MAP2: variants seen among roughly 807,000 people sequenced by gnomAD.
MAP2 encodes microtubule associated protein 2.
MAP2 carries 14 observed loss-of-function variants against 137.6 expected under a neutral mutation model. The ratio of observed to expected loss-of-function variants is 0.10; its 90% CI spans 0.07 to 0.16. The LOEUF is 0.16. MAP2 is among the 10% of genes least tolerant of loss of function. MAP2 has a pLI of 1.00. For missense variants in MAP2, 2,088 were observed against 2,191.5 expected, an observed-to-expected ratio of 0.95 and a Z score of 0.94; for synonymous variants, 786 against 782.3, an observed-to-expected ratio of 1.00 and a Z score of -0.08.
intron 4 of MAP2, among the ~76,000 whole-genome samples, chr2:209,628,466 G>A (rs185539788): frequency 6.6e-6 from 1 of 152,246 alleles, no homozygotes; most frequent in Non-Finnish European, 1.5e-5. Context: ...GCTCATGCCT[G>A]TCCAGGATCT....
chr2:209,457,752 G>A (rs1166028616), intron 1 of MAP2, among the ~76,000 whole-genome samples: 1 of 152,214 alleles, frequency 6.6e-6, no homozygotes, highest in Non-Finnish European at 1.5e-5. Flanking sequence ...GCGTTCTAGA[G>A]ATAGGGACAT....
intron 1 of MAP2, among the ~76,000 whole-genome samples, chr2:209,502,999 CTTT>C (rs71043931): frequency 7.6e-6 from 1 of 131,344 alleles, no homozygotes; most frequent in African/African-American, 2.9e-5. Context: ...GATTTTTTTT[CTTT>C]TTTTTTTTTT....
chr2:209,494,871 A>G (rs1246996814), intron 1 of MAP2, among the ~76,000 whole-genome samples: 1 of 152,184 alleles, frequency 6.6e-6, no homozygotes, highest in African/African-American at 2.4e-5. Flanking sequence ...GTTTTCCCCT[A>G]TTGTTTCTGC....
At position 209,477,437 on chromosome 2, in the gene MAP2, AT is replaced by A. The variant is rs890847580; in HGVS notation, c.-221-30146del. Among the ~76,000 whole-genome samples the A allele has an allele frequency of 3.8e-4, 57 of 151,648 alleles. No homozygotes were observed. The South Asian group carries it at 0.011, about 28-fold the overall frequency. ...TAATGACAATAAAGAATACATCATG[AT>A]TTTTTTTTCTTTCCATTGCTTTAGC... On this transcript the variant is annotated intron_variant, in intron 1 of 15. Transcript: ENST00000682079.
chr2:209,468,373 TG>T (rs1175042032), intron 1 of MAP2, among the ~76,000 whole-genome samples: 1 of 133,178 alleles, frequency 7.5e-6, no homozygotes, highest in Non-Finnish European at 1.5e-5. Flanking sequence ...CAGGCTGGAG[TG>T]CAGTGGTGCG....
At chr2:209,471,674 G>A (rs962707761) in intron 1 of MAP2, among the ~76,000 whole-genome samples, 3 of 144,990 alleles carry the variant, frequency 2.1e-5, no homozygotes, top group Non-Finnish European at 4.5e-5. Flanking sequence ...GAATAAAGAG[G>A]AAGGAACGTG....
chr2:209,575,256 T>A (rs147007805), intron 2 of MAP2, among the ~76,000 whole-genome samples: 8,417 of 152,096 alleles, frequency 0.055, 347 homozygotes, highest in Middle Eastern at 0.15. Flanking sequence ...GTGCGCTGGC[T>A]CATGCATGTA....
intron 4 of MAP2, among the ~76,000 whole-genome samples, chr2:209,646,595 G>A (rs565437752): frequency 6.6e-6 from 1 of 152,136 alleles, no homozygotes. Context: ...ATAAATAACA[G>A]CAGTGATGGC....
intron 1 of MAP2, among the ~76,000 whole-genome samples, chr2:209,451,738 G>C (rs538140499): frequency 4.6e-5 from 7 of 152,286 alleles, no homozygotes; most frequent in African/African-American, 1.4e-4. Context: ...GTGTATGTAG[G>C]CACAGCTGTA....
intron 4 of MAP2, among the ~76,000 whole-genome samples, chr2:209,634,199 A>C (rs1343930215): frequency 6.6e-6 from 1 of 152,170 alleles, no homozygotes; most frequent in South Asian, 2.1e-4. Context: ...CTGTGCAGGC[A>C]ATAAACTGGG....
chr2:209,636,119 G>T (rs538089376), intron 4 of MAP2, among the ~76,000 whole-genome samples: 1 of 152,202 alleles, frequency 6.6e-6, no homozygotes, highest in East Asian at 1.9e-4. Flanking sequence ...GACTCCAGTT[G>T]TACCATGTGC....
At position 209,696,362 on chromosome 2, in the gene MAP2, T is replaced by C; in HGVS notation, c.4180+12T>C. The C allele has an allele frequency of 6.5e-7, 1 of 1,527,498 alleles. No individual in the cohort carries two copies. The highest frequency in any genetic ancestry group is 1.4e-5 in the African/African-American group (1 of 71,922). The allele number at this position is 1,527,498 out of a possible 1,614,324, so 94.6% of individuals were successfully genotyped here. A position where few individuals can be genotyped will look rare whatever the true frequency, so the allele number is the denominator to read the frequency against. On this transcript the variant is annotated intron_variant, in intron 8 of 15. Coordinates refer to ENST00000682079, the MANE Select transcript of MAP2 (RefSeq NM_001375505.1). ...GGTGGACACTCAAGGTGTGCATTATTATTATTATTATTTTAACTCAAACAC... is the reference window on the plus strand; with the variant it reads ...GGTGGACACTCAAGGTGTGCATTATCATTATTATTATTTTAACTCAAACAC...
chr2:209,590,119 C>T (rs1284679797), intron 3 of MAP2, among the ~76,000 whole-genome samples: 1 of 152,108 alleles, frequency 6.6e-6, no homozygotes, highest in Non-Finnish European at 1.5e-5. Context: ...CTCCTTTCCA[C>T]CACCCCATCC....
chr2:209,679,581 A>G (rs1021103019), intron 6 of MAP2, among the ~76,000 whole-genome samples: 4 of 152,098 alleles, frequency 2.6e-5, no homozygotes, highest in Non-Finnish European at 4.4e-5. Flanking sequence ...TAATATATCC[A>G]TGATATTTGA....
chr2:209,614,038 A>G (rs2088056050), intron 3 of MAP2, among the ~76,000 whole-genome samples: 1 of 152,144 alleles, frequency 6.6e-6, no homozygotes, highest in East Asian at 1.9e-4. Context: ...AGTGGCTACT[A>G]GGAGCTTTAG....
chr2:209,711,620 A>T (rs1241715233), intron 13 of MAP2, among the ~76,000 whole-genome samples: 4 of 152,174 alleles, frequency 2.6e-5, no homozygotes, highest in Non-Finnish European at 5.9e-5. Context: ...TTCCTAAAAA[A>T]CTCAAACTAT....
intron 1 of MAP2, among the ~76,000 whole-genome samples, chr2:209,505,797 C>G (rs186380771): frequency 1.2e-4 from 18 of 152,024 alleles, no homozygotes; most frequent in Non-Finnish European, 2.9e-5. Context: ...CATGGTGAAA[C>G]TCCATCTCTA....
chr2:209,577,247 C>T (rs1403902704), intron 2 of MAP2, among the ~76,000 whole-genome samples: 1 of 151,812 alleles, frequency 6.6e-6, no homozygotes, highest in Non-Finnish European at 1.5e-5. Context: ...GAATTCTAAC[C>T]AGTATGTAGG....
chr2:209,655,478 G>A (rs2095083706), intron 5 of MAP2, among the ~76,000 whole-genome samples: 1 of 152,140 alleles, frequency 6.6e-6, no homozygotes, highest in Admixed American at 6.5e-5. Flanking sequence ...TGTCTACAGA[G>A]GATGTTCCAG....
Sources: gnomAD v4.1 joint callset for allele counts (sites outside exome capture counted in the v4.1 genomes callset) on GRCh38, gnomAD v4.1.1 for gene constraint, MANE v1.5 for transcripts, NCBI Gene and HGNC (gene_info 2026-07-23, HGNC 2026-07-21) for gene names.